FDFT1: variants seen among roughly 807,000 people sequenced by gnomAD.
FDFT1 encodes the protein farnesyl-diphosphate farnesyltransferase 1, also known as squalene synthase.
FDFT1 carries 68 observed loss-of-function variants against 46.8 expected under a neutral mutation model. The observed-to-expected ratio is 1.45, with a 90% CI of 1.19 to 1.78. The LOEUF is 1.78. Ranked by LOEUF, FDFT1 falls within the 40% of genes most tolerant of loss-of-function variation. The pLI is 0.00. For missense variants in FDFT1, 928 were observed against 524.4 expected (o/e 1.77, Z -7.52); for synonymous variants, 351 against 185.1 (o/e 1.90, Z -7.28).
At chr8:11,824,956 T>C (rs984632216) in intron 4 of FDFT1, among the ~76,000 whole-genome samples, 4 of 152,058 alleles carry the variant, frequency 2.6e-5, no homozygotes, top group Admixed American at 6.6e-5. Context: ...AGGATGGTCT[T>C]GATCTCCTGA....
chr8:11,834,303 C>T (rs1008335128), intron 7 of FDFT1, among the ~76,000 whole-genome samples: 8 of 152,228 alleles, frequency 5.3e-5, no homozygotes, highest in African/African-American at 1.4e-4. Context: ...TGCTTCAAAC[C>T]AGCCTGGATG....
chr8:11,828,569 C>A (rs1433248914), intron 5 of FDFT1, among the ~76,000 whole-genome samples: 1 of 152,246 alleles, frequency 6.6e-6, no homozygotes, highest in Non-Finnish European at 1.5e-5. Context: ...CAGCCACGGG[C>A]ATGTGATGCA....
chr8:11,815,709 G>A (rs1398147155), intron 3 of FDFT1, among the ~76,000 whole-genome samples: 2 of 152,156 alleles, frequency 1.3e-5, no homozygotes, highest in Non-Finnish European at 2.9e-5. Context: ...CCCACTTATT[G>A]ATGGGGTTGT....
chr8:11,835,885 G>A lies in FDFT1; in HGVS notation c.1033-2503G>A, dbSNP rs4460337. ...ATGGTGGCTGATGCCTCTAATCTCA[G>A]CACTTTGGGAGGCTGAGGCAGGCGG... On this transcript the variant is annotated intron_variant, in intron 7 of 7. Coordinates refer to ENST00000220584, the MANE Select transcript of FDFT1 (RefSeq NM_004462.5). Among the ~76,000 whole-genome samples the A allele has an allele frequency of 2.1e-5, 3 of 142,322 alleles. No individual in the cohort carries two copies. In the South Asian group the frequency reaches 7.0e-4, roughly 33 times the overall value. 93.4% of individuals were successfully genotyped at this position (142,322 alleles called of 152,430 possible).
chr8:11,837,971 G>A (rs138718224), intron 7 of FDFT1, among the ~76,000 whole-genome samples: 21 of 152,268 alleles, frequency 1.4e-4, no homozygotes, highest in East Asian at 5.8e-4. Context: ...TCTGTACTGC[G>A]TGTTCCATCT....
intron 2 of FDFT1, chr8:11,809,299 A>C: frequency 1.8e-6 from 2 of 1,093,060 alleles, no homozygotes. Flanking sequence ...TTTATGTATG[A>C]TCGTATTTAT....
chr8:11,805,026 G>A (rs745440963), intron 1 of FDFT1, among the ~76,000 whole-genome samples: 2 of 149,286 alleles, frequency 1.3e-5, no homozygotes, highest in African/African-American at 2.5e-5. Context: ...CTCCCACCTC[G>A]GCTTCCTGAT....
intron 3 of FDFT1, among the ~76,000 whole-genome samples, chr8:11,818,776 C>T (rs1246776139): frequency 6.6e-6 from 1 of 152,130 alleles, no homozygotes; most frequent in African/African-American, 2.4e-5. Flanking sequence ...CTCCTGAATA[C>T]AGCACAGTGA....
chr8:11,827,644 G>A (rs1204500563), intron 5 of FDFT1, among the ~76,000 whole-genome samples: 1 of 152,156 alleles, frequency 6.6e-6, no homozygotes, highest in African/African-American at 2.4e-5. Context: ...ACAGAAAAAT[G>A]GGCAAGGAGA....
intron 7 of FDFT1, among the ~76,000 whole-genome samples, chr8:11,837,562 G>T: frequency 6.6e-6 from 1 of 152,152 alleles, no homozygotes; most frequent in Non-Finnish European, 1.5e-5. Context: ...TAGAGAGGGA[G>T]GTGGGCAAGG....
At chr8:11,809,451 G>A (rs894452550) in intron 2 of FDFT1, 1 of 1,283,290 alleles carries the variant, frequency 7.8e-7, no homozygotes, top group East Asian at 3.2e-5. Context: ...CATTCAACTA[G>A]TAGGCTTTTT....
At chr8:11,811,946 G>A (rs1299166666) in intron 3 of FDFT1, among the ~76,000 whole-genome samples, 2 of 152,234 alleles carry the variant, frequency 1.3e-5, no homozygotes, top group Non-Finnish European at 2.9e-5. Flanking sequence ...ATTTGTGTAT[G>A]TGCTGATATA....
At chr8:11,823,478 A>G (rs1585952612) in intron 4 of FDFT1, among the ~76,000 whole-genome samples, 1 of 152,098 alleles carries the variant, frequency 6.6e-6, no homozygotes, top group African/African-American at 2.4e-5. Flanking sequence ...CACTCTTTTC[A>G]TGTTACTTTT....
At chr8:11,802,061 C>A (rs1385038589), upstream of FDFT1, 1 of 455,654 alleles carries the variant, frequency 2.2e-6, no homozygotes, top group Non-Finnish European at 4.4e-6. Flanking sequence ...TACAGGCTCT[C>A]TAAGGCTTCA....
At position 11,835,127 on chromosome 8, in the gene FDFT1, A is replaced by C. The variant is rs549075796; in HGVS notation, c.1033-3261A>C. Among the ~76,000 whole-genome samples the C allele has an allele frequency of 2.3e-3, 346 of 152,190 alleles. 3 individuals are homozygous for C. Among genetic ancestry groups the C allele is most frequent in the Non-Finnish European group, 1.7e-3 (115 of 68,012 alleles). On this transcript the variant is annotated intron_variant, in intron 7 of 7. Coordinates refer to ENST00000220584, the MANE Select transcript of FDFT1 (RefSeq NM_004462.5). ...CAACAGGGTGAAGGCCCTTTCTCAA[A>C]CCCCTCAAGTATTTGGCTTCAACTT...
intron 1 of FDFT1, among the ~76,000 whole-genome samples, chr8:11,806,556 A>G (rs1455611638): frequency 2.6e-5 from 4 of 152,060 alleles, no homozygotes; most frequent in African/African-American, 9.7e-5. Flanking sequence ...GTTCTTGAAG[A>G]GTGTTGGGGT....
chr8:11,827,937 C>T (rs929205728), intron 5 of FDFT1, among the ~76,000 whole-genome samples: 4 of 152,054 alleles, frequency 2.6e-5, no homozygotes, highest in Admixed American at 6.6e-5. Flanking sequence ...CACAGTGACT[C>T]CTGCCTATAA....
At chr8:11,827,945 T>C (rs1810234870) in intron 5 of FDFT1, among the ~76,000 whole-genome samples, 1 of 151,810 alleles carries the variant, frequency 6.6e-6, no homozygotes, top group African/African-American at 2.4e-5. Context: ...CTCCTGCCTA[T>C]AATCCCAGCA....
intron 1 of FDFT1, among the ~76,000 whole-genome samples, chr8:11,796,908 C>T (rs1049444150): frequency 1.3e-5 from 2 of 152,250 alleles, no homozygotes; most frequent in Non-Finnish European, 2.9e-5. Context: ...GTGACTTTTC[C>T]TGCAGAGTAG....
Sources: allele counts gnomAD v4.1 joint callset (sites outside exome capture counted in the v4.1 genomes callset), GRCh38; gene constraint gnomAD v4.1.1; transcripts MANE v1.5; gene names NCBI Gene and HGNC (gene_info 2026-07-23, HGNC 2026-07-21).